The following FGF12 variants were observed in gnomAD, a reference collection of about 807,000 sequenced individuals.
FGF12 encodes the protein fibroblast growth factor 12B.
FGF12 carries 14 observed loss-of-function variants against 23.6 expected under a neutral mutation model. That is an observed-to-expected ratio of 0.59 (90% CI 0.39 to 0.93). The LOEUF (loss-of-function observed/expected upper bound fraction) is 0.93, where lower values mean the gene tolerates loss of function less well. Among genes scored for constraint, FGF12 ranks in the 40% least tolerant of loss-of-function variants. The pLI, the probability that FGF12 is intolerant of heterozygous loss-of-function variation, is 0.00. For missense variants in FGF12, 175 were observed against 217.8 expected (o/e 0.80, Z 1.24); for synonymous variants, 62 against 77.3 (o/e 0.80, Z 1.04).
intron 4 of FGF12, among the ~76,000 whole-genome samples, chr3:192,300,790 G>T (rs939139392): frequency 6.6e-6 from 1 of 152,066 alleles, no homozygotes; most frequent in Non-Finnish European, 1.5e-5. Flanking sequence ...GCCAAGGGGG[G>T]CTGAGCACTT....
chr3:192,203,202 A>G (rs1717464264), intron 4 of FGF12, among the ~76,000 whole-genome samples: 1 of 151,964 alleles, frequency 6.6e-6, no homozygotes, highest in South Asian at 2.1e-4. Context: ...TGTAGTTTAG[A>G]GGACTGATAG....
intron 2 of FGF12, among the ~76,000 whole-genome samples, chr3:192,470,405 T>G (rs1723137216): frequency 6.6e-6 from 1 of 152,218 alleles, no homozygotes; most frequent in South Asian, 2.1e-4. Context: ...TTGTAGTTGT[T>G]GAGACAGGTT....
intron 2 of FGF12, among the ~76,000 whole-genome samples, chr3:192,663,325 C>G (rs1054997722): frequency 6.6e-6 from 1 of 152,162 alleles, no homozygotes; most frequent in Admixed American, 6.5e-5. Context: ...TACAATAGTA[C>G]TCTCTTCGCA....
At position 192,358,452 on chromosome 3, in the gene FGF12, T is replaced by C. The variant is rs73068556; in HGVS notation, c.124+1976A>G. On this transcript the variant is annotated intron_variant, in intron 3 of 5. Transcript: ENST00000445105. ...TCAGAGAATTTTTAAAAGTACTTAT[T>C]TGACACAATGTGTGCCCTATGGTGT... is the stretch of plus-strand genomic sequence containing the variant. Among the ~76,000 whole-genome samples, 417 of 140,166 alleles carry C rather than the reference T, an allele frequency of 3.0e-3. 1 individual carries two copies. The highest frequency in any genetic ancestry group is 0.011 in the African/African-American group (393 of 34,992). The allele number at this position is 140,166 out of a possible 152,430, so 92.0% of individuals were successfully genotyped here.
chr3:192,598,868 C>A (rs140450340), intron 2 of FGF12, among the ~76,000 whole-genome samples: 17 of 152,180 alleles, frequency 1.1e-4, no homozygotes, highest in Non-Finnish European at 2.1e-4. Context: ...AACCCAAATG[C>A]CCATCAATGA....
chr3:192,573,078 A>G (rs1031079690), intron 2 of FGF12, among the ~76,000 whole-genome samples: 45 of 152,190 alleles, frequency 3.0e-4, no homozygotes, highest in African/African-American at 1.1e-3. Flanking sequence ...AAAACTTTAT[A>G]CTAAAGAGTC....
At chr3:192,551,339 G>C (rs971092526) in intron 2 of FGF12, among the ~76,000 whole-genome samples, 1 of 152,208 alleles carries the variant, frequency 6.6e-6, no homozygotes, top group Non-Finnish European at 1.5e-5. Flanking sequence ...AAGTACTGAG[G>C]AGAGAAAGCT....
chr3:192,356,026 T>G (rs1216758321), intron 3 of FGF12, among the ~76,000 whole-genome samples: 2 of 152,210 alleles, frequency 1.3e-5, no homozygotes, highest in Admixed American at 1.3e-4. Context: ...AGGGACTGTT[T>G]TGCTATTTCT....
intron 2 of FGF12, among the ~76,000 whole-genome samples, chr3:192,634,313 T>A (rs1715501536): frequency 6.6e-6 from 1 of 152,012 alleles, no homozygotes; most frequent in South Asian, 2.1e-4. Context: ...AAAAATAAAA[T>A]TAAAATGTAA....
intron 2 of FGF12, among the ~76,000 whole-genome samples, chr3:192,684,311 T>A (rs1238140467): frequency 6.6e-6 from 1 of 152,224 alleles, no homozygotes; most frequent in African/African-American, 2.4e-5. Context: ...CCAGAAGATC[T>A]GTGATACAAT....
intron 2 of FGF12, among the ~76,000 whole-genome samples, chr3:192,404,984 A>G (rs550320372): frequency 1.4e-5 from 2 of 144,858 alleles, no homozygotes; most frequent in Admixed American, 1.3e-4. Context: ...AGTTATTTAC[A>G]CTAGTTGATG....
chr3:192,273,104 G>A (rs7633304), intron 4 of FGF12, among the ~76,000 whole-genome samples: 48 of 152,288 alleles, frequency 3.2e-4, no homozygotes, highest in African/African-American at 1.1e-3. Context: ...TTTGGGTAAA[G>A]TGTTCCCTAT....
intron 2 of FGF12, among the ~76,000 whole-genome samples, chr3:192,577,954 T>C (rs897090414): frequency 1.3e-5 from 2 of 152,150 alleles, no homozygotes; most frequent in African/African-American, 4.8e-5. Flanking sequence ...GCAGTAACTA[T>C]GGGTAAATAT....
At chr3:192,158,353 T>TCTTC (rs1368337318) in intron 5 of FGF12, among the ~76,000 whole-genome samples, 21 of 100,462 alleles carry the variant, frequency 2.1e-4, no homozygotes, top group African/African-American at 8.1e-4. Flanking sequence ...TTTCTTTCTT[T>TCTTC]CTTTCTTTCT....
intron 2 of FGF12, among the ~76,000 whole-genome samples, chr3:192,632,792 C>A (rs1052716111): frequency 3.1e-4 from 47 of 152,104 alleles, no homozygotes; most frequent in African/African-American, 1.1e-3. Flanking sequence ...CACAAAGGGG[C>A]ACCTTAAAAC....
Position 192,514,564 on chromosome 3 carries a change from G to T in FGF12, c.14-154026C>A. On this transcript the variant is annotated intron_variant, in intron 2 of 5. Transcript: ENST00000445105. The surrounding 1 kb of genome is among the most constrained non-coding windows in gnomAD (Gnocchi z 4.9). ...CGGGAAACGCCTTCCCTCCGCCACA[G>T]GCAGCGCTGAATGAAGCAGAGGAGG... 4.5e-6 allele frequency: 2 copies of T among 441,526 alleles called. No homozygotes were observed. The highest frequency in any genetic ancestry group is 6.0e-6 in the Non-Finnish European group (2 of 332,926). 27.4% of individuals were successfully genotyped at this position (441,526 alleles called of 1,614,324 possible).
At position 192,610,847 on chromosome 3, in the gene FGF12, C is replaced by T. The variant is rs572902230; in HGVS notation, c.13+116334G>A. On this transcript the variant is annotated intron_variant, in intron 2 of 5. Coordinates refer to ENST00000445105, the MANE Select transcript of FGF12 (RefSeq NM_004113.6). ...CTTGCTGTGCCCTCAGCCTGGAGAA[C>T]GTTGTCACCCAAATATTCCTTCACC... 1.5e-4 allele frequency among the ~76,000 whole-genome samples: 23 copies of T among 152,112 alleles called. 1 individual carries two copies. The South Asian group carries it at 4.6e-3, about 30-fold the overall frequency.
At chr3:192,312,695 C>T (rs1000955856) in intron 4 of FGF12, among the ~76,000 whole-genome samples, 6 of 150,108 alleles carry the variant, frequency 4.0e-5, no homozygotes, top group African/African-American at 9.8e-5. Flanking sequence ...TGCCGTGAGC[C>T]GAGATCGCAC....
At chr3:192,527,393 A>C (rs1292170756) in intron 2 of FGF12, among the ~76,000 whole-genome samples, 1 of 152,202 alleles carries the variant, frequency 6.6e-6, no homozygotes, top group Non-Finnish European at 1.5e-5. Context: ...CTGGGAGAAG[A>C]GGTTCATAGT....
Sources: allele counts gnomAD v4.1 joint callset (sites outside exome capture counted in the v4.1 genomes callset), GRCh38; gene constraint gnomAD v4.1.1; non-coding constraint Gnocchi (gnomAD v3.1); transcripts MANE v1.5; gene names NCBI Gene and HGNC (gene_info 2026-07-23, HGNC 2026-07-21).